Variants in CDK14 observed in about 807,000 individuals in gnomAD.
The protein encoded by CDK14 is cyclin dependent kinase 14, also known as cyclin-dependent kinase 14.
Under a neutral mutation model 60.7 loss-of-function variants are expected in CDK14, and 34 were observed. The ratio of observed to expected loss-of-function variants is 0.56; its 90% CI spans 0.43 to 0.75. The LOEUF (loss-of-function observed/expected upper bound fraction) is 0.75, where lower values mean the gene tolerates loss of function less well. Ranked by LOEUF, CDK14 falls within the 30% of genes least tolerant of loss-of-function variation. CDK14 has a pLI of 0.00. For synonymous variants in CDK14, 197 were observed against 203.7 expected, an observed-to-expected ratio of 0.97 and a Z score of 0.28; for missense variants, 482 against 564.1, an observed-to-expected ratio of 0.85 and a Z score of 1.47.
chr7:91,059,766 G>C (rs1254526250), intron 11 of CDK14, among the ~76,000 whole-genome samples: 1 of 152,212 alleles, frequency 6.6e-6, no homozygotes, highest in Non-Finnish European at 1.5e-5. Flanking sequence ...TGTGGTCTGA[G>C]AGACAGTTTG....
chr7:90,991,376 C>G (rs560400660), intron 10 of CDK14, among the ~76,000 whole-genome samples: 1 of 152,180 alleles, frequency 6.6e-6, no homozygotes, highest in African/African-American at 2.4e-5. Context: ...TGCAGTGGAC[C>G]ACTGCCTACC....
At chr7:91,191,052 G>A (rs145545597) in intron 14 of CDK14, among the ~76,000 whole-genome samples, 3 of 152,104 alleles carry the variant, frequency 2.0e-5, no homozygotes, top group Admixed American at 6.6e-5. Context: ...ATCCTCAGTG[G>A]CCCCTGTACA....
intron 2 of CDK14, among the ~76,000 whole-genome samples, chr7:90,642,923 ACT>A (rs1800373004): frequency 1.3e-5 from 2 of 152,254 alleles, no homozygotes; most frequent in Admixed American, 1.3e-4. Flanking sequence ...CTGAATACCC[ACT>A]CTGTGTCAAA....
chr7:90,929,224 A>G (rs1444372664), intron 8 of CDK14, among the ~76,000 whole-genome samples: 1 of 152,202 alleles, frequency 6.6e-6, no homozygotes, highest in Non-Finnish European at 1.5e-5. Flanking sequence ...CCAGTGTCTG[A>G]CAAGCCCCAA....
At chr7:90,785,806 AG>A (rs67752548) in intron 4 of CDK14, among the ~76,000 whole-genome samples, 22,012 of 65,796 alleles carry the variant, frequency 0.33, 2,241 homozygotes, top group East Asian at 0.52. Flanking sequence ...AAAAAAAAAA[AG>A]AGAAAACTTC....
At chr7:91,176,685 A>G (rs1314937559) in intron 14 of CDK14, among the ~76,000 whole-genome samples, 1 of 152,102 alleles carries the variant, frequency 6.6e-6, no homozygotes. Flanking sequence ...AAACACCTCT[A>G]TGCAAATAAA....
At chr7:90,735,005 A>G (rs773646457) in intron 3 of CDK14, among the ~76,000 whole-genome samples, 4 of 152,058 alleles carry the variant, frequency 2.6e-5, no homozygotes, top group Non-Finnish European at 5.9e-5. Flanking sequence ...CTGAGTGGAC[A>G]TCCTTTTTGT....
chr7:90,949,849 A>G (rs1000617121), intron 8 of CDK14, among the ~76,000 whole-genome samples: 19 of 152,188 alleles, frequency 1.2e-4, no homozygotes, highest in Non-Finnish European at 4.4e-5. Flanking sequence ...CTTAAACAAC[A>G]CCATAGGATG....
chr7:90,709,572 G>GC, intron 2 of CDK14: 1 of 1,613,132 alleles, frequency 6.2e-7, no homozygotes, highest in East Asian at 2.2e-5. Flanking sequence ...CAATGCTGCT[G>GC]CAGAGCCCGG....
At chr7:90,695,654 A>G (rs1274759791) in intron 2 of CDK14, among the ~76,000 whole-genome samples, 1 of 152,118 alleles carries the variant, frequency 6.6e-6, no homozygotes, top group African/African-American at 2.4e-5. Flanking sequence ...GTGGGTGTTG[A>G]TAAATGGTCA....
At chr7:90,614,000 C>T (rs1799598270) in intron 2 of CDK14, among the ~76,000 whole-genome samples, 1 of 132,422 alleles carries the variant, frequency 7.6e-6, no homozygotes, top group Admixed American at 8.6e-5. Flanking sequence ...TTTATAGTCC[C>T]AAACACTTTT....
intron 5 of CDK14, among the ~76,000 whole-genome samples, chr7:90,809,210 C>T (rs1788989651): frequency 6.6e-6 from 1 of 152,160 alleles, no homozygotes; most frequent in Non-Finnish European, 1.5e-5. Flanking sequence ...AAATTGACCA[C>T]ATAGTTGGAA....
intron 7 of CDK14, 146 bp from the exon 8 acceptor site, chr7:90,917,455 T>C: frequency 1.6e-6 from 1 of 631,702 alleles, no homozygotes; most frequent in Non-Finnish European, 2.6e-6. Flanking sequence ...TACTAAAATC[T>C]CACATTCTGT....
At chr7:90,632,909 C>T (rs951015569) in intron 2 of CDK14, among the ~76,000 whole-genome samples, 4 of 151,886 alleles carry the variant, frequency 2.6e-5, no homozygotes, top group South Asian at 2.1e-4. Context: ...GCCAACATGA[C>T]GAAACCCCAT....
chr7:90,999,010 A>G lies in CDK14; in HGVS notation c.1041+14769A>G, dbSNP rs1025506190. Among the ~76,000 whole-genome samples, 65 of 152,186 alleles carry G rather than the reference A, an allele frequency of 4.3e-4. 1 individual carries two copies. The highest frequency in any genetic ancestry group is 1.5e-3 in the African/African-American group (63 of 41,444). On this transcript the variant is annotated intron_variant, in intron 10 of 14. Transcript: ENST00000380050. ...CTTATGTCGTAACATCGTGGAGAGC[A>G]TCAGATGGCTAGAGGGCAAGAGCAT...
intron 9 of CDK14, among the ~76,000 whole-genome samples, chr7:90,962,437 G>A (rs781442600): frequency 3.3e-5 from 5 of 152,024 alleles, no homozygotes; most frequent in Non-Finnish European, 7.4e-5. Context: ...AGTGAGTTGA[G>A]ATCGCACCAT....
intron 2 of CDK14, among the ~76,000 whole-genome samples, chr7:90,682,839 A>G (rs1472432270): frequency 6.6e-6 from 1 of 152,052 alleles, no homozygotes; most frequent in Non-Finnish European, 1.5e-5. Context: ...AATGTCCCTC[A>G]TGTTATGTTT....
intron 2 of CDK14, among the ~76,000 whole-genome samples, chr7:90,686,198 A>G (rs1315132076): frequency 6.6e-6 from 1 of 152,090 alleles, no homozygotes. Flanking sequence ...GATGATTTTT[A>G]GTTTTCTAGA....
intron 9 of CDK14, among the ~76,000 whole-genome samples, chr7:90,956,216 A>C (rs548002828): frequency 6.6e-6 from 1 of 152,288 alleles, no homozygotes; most frequent in East Asian, 1.9e-4. Context: ...ATTTTGGTGT[A>C]ACTGTTAGGC....
Sources: gnomAD v4.1 joint callset for allele counts (sites outside exome capture counted in the v4.1 genomes callset) on GRCh38, gnomAD v4.1.1 for gene constraint, MANE v1.5 for transcripts, NCBI Gene and HGNC (gene_info 2026-07-23, HGNC 2026-07-21) for gene names.